KCNMA1: variants seen among roughly 807,000 people sequenced by gnomAD.
The protein encoded by KCNMA1 is potassium calcium-activated channel subfamily M alpha 1, also known as Calcium-activated potassium channel subunit alpha-1.
KCNMA1 carries 29 observed loss-of-function variants against 140.0 expected under a neutral mutation model. That is an observed-to-expected ratio of 0.21 (90% CI 0.15 to 0.28). The LOEUF is 0.28. Among genes scored for constraint, KCNMA1 ranks in the 10% least tolerant of loss-of-function variants. The pLI, the probability that KCNMA1 is intolerant of heterozygous loss-of-function variation, is 1.00. For synonymous variants in KCNMA1, 612 were observed against 611.9 expected, an observed-to-expected ratio of 1.00 and a Z score of 0.00; for missense variants, 880 against 1,602.2, an observed-to-expected ratio of 0.55 and a Z score of 7.70.
intron 2 of KCNMA1, among the ~76,000 whole-genome samples, chr10:77,371,242 A>G (rs1428921022): frequency 1.3e-5 from 2 of 151,990 alleles, no homozygotes; most frequent in Admixed American, 6.6e-5. Context: ...GCTCAGTATG[A>G]TATGTGACCC....
At chr10:77,145,282 T>C (rs1398411674) in intron 5 of KCNMA1, among the ~76,000 whole-genome samples, 3 of 152,294 alleles carry the variant, frequency 2.0e-5, no homozygotes, top group Middle Eastern at 3.4e-3. Flanking sequence ...ACTTTTAAAA[T>C]GGGAAACACT....
chr10:77,111,684 C>CTTA (rs2097328747), intron 7 of KCNMA1, among the ~76,000 whole-genome samples: 1 of 152,140 alleles, frequency 6.6e-6, no homozygotes, highest in African/African-American at 2.4e-5. Context: ...CCTTCTATCC[C>CTTA]TTATGCAAAT....
At chr10:77,147,849 A>T (rs1465649419) in intron 5 of KCNMA1, 1 of 152,140 alleles carries the variant, frequency 6.6e-6, no homozygotes, top group Non-Finnish European at 1.5e-5. Context: ...ATCTCTGTTG[A>T]CTACAGGGAG....
intron 14 of KCNMA1, among the ~76,000 whole-genome samples, chr10:77,043,649 T>G (rs1161384353): frequency 6.6e-6 from 1 of 152,206 alleles, no homozygotes; most frequent in Non-Finnish European, 1.5e-5. Context: ...CAATGGAATA[T>G]TATTCAGTCT....
intron 5 of KCNMA1, among the ~76,000 whole-genome samples, chr10:77,121,669 G>C (rs555803316): frequency 7.9e-5 from 12 of 152,096 alleles, no homozygotes; most frequent in African/African-American, 2.4e-4. Flanking sequence ...AAGATAAATG[G>C]TTTGTCCTTT....
intron 1 of KCNMA1, among the ~76,000 whole-genome samples, chr10:77,586,779 T>G (rs554476474): frequency 6.6e-6 from 1 of 152,340 alleles, no homozygotes; most frequent in South Asian, 2.1e-4. Context: ...AACTCACACG[T>G]ATGCTTAGAT....
At chr10:77,626,344 G>A (rs1024147259) in intron 1 of KCNMA1, among the ~76,000 whole-genome samples, 6 of 152,046 alleles carry the variant, frequency 3.9e-5, no homozygotes, top group East Asian at 1.9e-4. Context: ...CAGGAGAAAC[G>A]GCCATAATTC....
Position 77,637,415 on chromosome 10 carries a change from C to T in KCNMA1, c.228G>A (p.Glu76=). 4 of 1,613,858 alleles carry T rather than the reference C, an allele frequency of 2.5e-6. No individual in the cohort carries two copies. Among genetic ancestry groups the T allele is most frequent in the Admixed American group, 1.7e-5 (1 of 60,010 alleles). The change falls in exon 1 of 28, where the codon GAG becomes GAA. Residue 76 remains glutamate (E), a synonymous_variant. Transcript: ENST00000286628. The stretch of plus-strand genomic sequence containing the variant: ...GTTGGCCCCGGCTGTCGCACGGCAC[C>T]TCCATGGTCACCGGGATGATGAGCG... ...MDALIIPVTM[E]VPCDSRGQRM... is the part of the protein sequence containing the mutation.
At chr10:77,415,482 G>C (rs1459335934) in intron 1 of KCNMA1, among the ~76,000 whole-genome samples, 1 of 152,212 alleles carries the variant, frequency 6.6e-6, no homozygotes, top group Admixed American at 6.5e-5. Context: ...CTCAGCTCAA[G>C]ACCTGCCCAG....
intron 1 of KCNMA1, among the ~76,000 whole-genome samples, chr10:77,414,622 C>T (rs2154479420): frequency 6.6e-6 from 1 of 152,226 alleles, no homozygotes; most frequent in Non-Finnish European, 1.5e-5. Flanking sequence ...TCCCAGGTAG[C>T]TGGGATTACA....
chr10:77,428,301 C>T (rs1484074866), intron 1 of KCNMA1, among the ~76,000 whole-genome samples: 1 of 152,124 alleles, frequency 6.6e-6, no homozygotes, highest in Admixed American at 6.5e-5. Context: ...ATGTTGCCTT[C>T]CAAGAGAGAA....
chr10:76,930,178 A>G (rs1001303424), intron 23 of KCNMA1: 6 of 152,236 alleles, frequency 3.9e-5, no homozygotes, highest in African/African-American at 1.4e-4. Flanking sequence ...CAATCAACAA[A>G]GTGAGAAGCC....
intron 1 of KCNMA1, among the ~76,000 whole-genome samples, chr10:77,583,588 C>G (rs1331949542): frequency 6.6e-6 from 1 of 152,210 alleles, no homozygotes; most frequent in Non-Finnish European, 1.5e-5. Context: ...AGAGCCCATC[C>G]TTGAGGGAAA....
chr10:76,972,346 C>T (rs1674677735), intron 19 of KCNMA1, among the ~76,000 whole-genome samples: 1 of 152,162 alleles, frequency 6.6e-6, no homozygotes, highest in Non-Finnish European at 1.5e-5. Flanking sequence ...TGGTTGTGTC[C>T]AGTTACACAA....
rs58102455 is a variant in KCNMA1, at chr10:77,283,438, C to T, written c.541-32182G>A. Reference sequence around the variant, plus strand: ...AAACACCAGTGGTCCCACAGCTAACCAAGATGGTGCCTGTCAGGCACAACA... The same window carrying T: ...AAACACCAGTGGTCCCACAGCTAACTAAGATGGTGCCTGTCAGGCACAACA... On this transcript the variant is annotated intron_variant, in intron 2 of 27. Transcript: ENST00000286628. Among the ~76,000 whole-genome samples the T allele has an allele frequency of 2.9e-3, 436 of 152,282 alleles. 3 individuals are homozygous for T. The highest frequency in any genetic ancestry group is 0.01 in the African/African-American group (421 of 41,556).
At position 77,019,006 on chromosome 10, in the gene KCNMA1, C is replaced by T. The variant is rs78670694; in HGVS notation, c.2015+7G>A. The stretch of plus-strand genomic sequence containing the variant: ...AGAAAGAAAGCCAGTTGAAAATAAA[C>T]TCTTACCTTTTAACTTCTTTGGCAT... On this transcript the variant is annotated splice_region_variant and intron_variant, in intron 17 of 27. Transcript: ENST00000286628. 1,970 of 1,514,648 alleles carry T rather than the reference C, an allele frequency of 1.3e-3. 27 individuals carry two copies. The East Asian group carries it at 0.029, about 22-fold the overall frequency. 93.8% of individuals were successfully genotyped at this position (1,514,648 alleles called of 1,614,324 possible). A position where few individuals can be genotyped will look rare whatever the true frequency, so the allele number is the denominator to read the frequency against.
chr10:77,485,056 C>T (rs1018005010), intron 1 of KCNMA1, among the ~76,000 whole-genome samples: 1 of 152,200 alleles, frequency 6.6e-6, no homozygotes, highest in African/African-American at 2.4e-5. Context: ...GACTCACTCT[C>T]TCCTTCTTCT....
intron 9 of KCNMA1, among the ~76,000 whole-genome samples, chr10:77,102,423 G>T (rs2097121769): frequency 6.6e-6 from 1 of 152,202 alleles, no homozygotes; most frequent in Admixed American, 6.5e-5. Context: ...GAGAAGGAGA[G>T]TCCAAATTCT....
At chr10:77,482,968 CTCT>C (rs1411285709) in intron 1 of KCNMA1, among the ~76,000 whole-genome samples, 1 of 146,982 alleles carries the variant, frequency 6.8e-6, no homozygotes, top group Non-Finnish European at 1.5e-5. Context: ...CATCCTTCCT[CTCT>C]TCTCTCTCTC....
Sources: allele counts gnomAD v4.1 joint callset (sites outside exome capture counted in the v4.1 genomes callset), GRCh38; gene constraint gnomAD v4.1.1; transcripts MANE v1.5; gene names NCBI Gene and HGNC (gene_info 2026-07-23, HGNC 2026-07-21).